The following CACNA2D2 variants were observed in gnomAD, a reference collection of about 807,000 sequenced individuals.
CACNA2D2 encodes the protein calcium voltage-gated channel auxiliary subunit alpha2delta 2, also known as voltage-dependent calcium channel subunit alpha-2/delta-2.
A neutral mutation model predicts 166.4 loss-of-function variants in CACNA2D2; 48 were observed. The ratio of observed to expected loss-of-function variants is 0.29; its 90% CI spans 0.23 to 0.37. The LOEUF is 0.37. Ranked by LOEUF, CACNA2D2 falls within the 10% of genes least tolerant of loss-of-function variation. The probability of loss-of-function intolerance (pLI) is 1.00; values close to 1 mark genes in which losing one functional copy is unlikely to be tolerated. For missense variants in CACNA2D2, 1,122 were observed against 1,433.0 expected, an observed-to-expected ratio of 0.78 and a Z score of 3.50; for synonymous variants, 561 against 573.7, an observed-to-expected ratio of 0.98 and a Z score of 0.32.
intron 2 of CACNA2D2, among the ~76,000 whole-genome samples, chr3:50,470,975 C>T (rs1362483518): frequency 3.9e-5 from 6 of 152,146 alleles, no homozygotes; most frequent in Non-Finnish European, 8.8e-5. Context: ...AGACAATTAA[C>T]TTTCCATTAA....
At chr3:50,393,587 C>A (rs1378038589) in intron 4 of CACNA2D2, among the ~76,000 whole-genome samples, 1 of 152,336 alleles carries the variant, frequency 6.6e-6, no homozygotes, top group Admixed American at 6.5e-5. Context: ...AAGGAGCGAG[C>A]CTGAGCTCCT....
At chr3:50,467,636 A>G (rs1709877760) in intron 2 of CACNA2D2, among the ~76,000 whole-genome samples, 1 of 152,144 alleles carries the variant, frequency 6.6e-6, no homozygotes, top group African/African-American at 2.4e-5. Context: ...TACTGAGGTC[A>G]GGCCCTCAAG....
Position 50,375,983 on chromosome 3 carries a change from C to G in CACNA2D2, c.1753G>C (p.Glu585Gln), listed in dbSNP as rs1704962458. ...CTTACCTCTTCCTTGTTCTCATCCT[C>G]TAGCTCCGCATCCAGGAAGTCCAGA... Reference protein sequence around the residue: ...VTLDFLDAELEDENKEEIRRS... With the variant: ...VTLDFLDAELQDENKEEIRRS... The change falls in exon 19 of 38, where the codon GAG (glutamate) becomes CAG (glutamine). Residue 585 changes from glutamate to glutamine, a missense_variant. This residue lies in a region of CACNA2D2 where 840 missense variants were observed against 1,166.8 expected (regional missense o/e 0.72). Transcript: ENST00000424201. This position sits in a 1 kb window ranked among gnomAD's most constrained non-coding sequence, Gnocchi z 4.0. The G allele has an allele frequency of 6.2e-7, 1 of 1,613,260 alleles. No homozygotes were observed. The highest frequency in any genetic ancestry group is 1.3e-5 in the African/African-American group (1 of 74,940).
At chr3:50,455,332 G>A (rs1709304379) in intron 2 of CACNA2D2, among the ~76,000 whole-genome samples, 1 of 152,200 alleles carries the variant, frequency 6.6e-6, no homozygotes, top group Admixed American at 6.5e-5. Flanking sequence ...TGGGGGCCAC[G>A]AGCTCAGAAA....
chr3:50,398,820 T>G (rs1706289979), intron 3 of CACNA2D2, among the ~76,000 whole-genome samples: 1 of 151,880 alleles, frequency 6.6e-6, no homozygotes, highest in African/African-American at 2.4e-5. Context: ...TATCAGAGAG[T>G]TTCACTTAAC....
In CACNA2D2 at chr3:50,367,965, C is replaced by T. The variant is rs1048987085; in HGVS notation, c.2144-63G>A. On this transcript the variant is annotated intron_variant, in intron 24 of 37. Coordinates refer to ENST00000424201, the MANE Select transcript of CACNA2D2 (RefSeq NM_006030.4). This position sits in a 1 kb window ranked among gnomAD's most constrained non-coding sequence, Gnocchi z 6.5. ...TCTTGCAGCTCCTTGCCCACCCTCA[C>T]CCCCACCCTTAAGGCTCCACCAGGA... The T allele has an allele frequency of 6.9e-6, 9 of 1,297,570 alleles. No homozygotes were observed. The highest frequency in any genetic ancestry group is 9.9e-6 in the Non-Finnish European group (9 of 907,744). 80.4% of individuals were successfully genotyped at this position (1,297,570 alleles called of 1,614,324 possible). A position where few individuals can be genotyped will look rare whatever the true frequency, so the allele number is the denominator to read the frequency against.
intron 1 of CACNA2D2, among the ~76,000 whole-genome samples, chr3:50,500,185 G>A (rs1303055411): frequency 1.3e-5 from 2 of 152,218 alleles, no homozygotes; most frequent in South Asian, 2.1e-4. Flanking sequence ...CTCAGGAGAG[G>A]AGCACGTACT....
chr3:50,487,907 G>T (rs1209688292), intron 1 of CACNA2D2, among the ~76,000 whole-genome samples: 1 of 152,166 alleles, frequency 6.6e-6, no homozygotes, highest in Admixed American at 6.5e-5. Flanking sequence ...GCACCTGGGA[G>T]GGATTTGGCA....
At chr3:50,439,056 G>A (rs536256318) in intron 2 of CACNA2D2, among the ~76,000 whole-genome samples, 89 of 152,216 alleles carry the variant, frequency 5.8e-4, no homozygotes, top group South Asian at 1.2e-3. Flanking sequence ...GCAAAACTGC[G>A]GTTTGAACTG....
Position 50,495,162 on chromosome 3 carries a change from T to C in CACNA2D2, c.206+8056A>G, listed in dbSNP as rs144840882. ...CCCATCTTGGGCCTCAGTTTCCGTGTCTATATGATGGTGGTATCAGGACCT... is the reference window on the plus strand; with the variant it reads ...CCCATCTTGGGCCTCAGTTTCCGTGCCTATATGATGGTGGTATCAGGACCT... On this transcript the variant is annotated intron_variant, in intron 1 of 37. Coordinates refer to ENST00000424201, the MANE Select transcript of CACNA2D2 (RefSeq NM_006030.4). Among the ~76,000 whole-genome samples, 396 of 152,322 alleles carry C rather than the reference T, an allele frequency of 2.6e-3. 4 individuals are homozygous for C. Among genetic ancestry groups the C allele is most frequent in the African/African-American group, 8.7e-3 (360 of 41,570 alleles).
chr3:50,412,558 G>A (rs776155924), intron 3 of CACNA2D2, among the ~76,000 whole-genome samples: 11 of 152,060 alleles, frequency 7.2e-5, no homozygotes, highest in Middle Eastern at 3.4e-3. Flanking sequence ...AGCCCTAGGC[G>A]GCCAGCAGGC....
chr3:50,484,304 C>T (rs1472490314), intron 1 of CACNA2D2, among the ~76,000 whole-genome samples: 2 of 152,190 alleles, frequency 1.3e-5, no homozygotes, highest in Non-Finnish European at 2.9e-5. Flanking sequence ...TGCACCTCTG[C>T]AGCTGCCAGC....
At chr3:50,483,619 G>A (rs558921232) in intron 1 of CACNA2D2, among the ~76,000 whole-genome samples, 22 of 152,298 alleles carry the variant, frequency 1.4e-4, no homozygotes, top group African/African-American at 4.8e-4. Flanking sequence ...GTTGGGGGGA[G>A]TGGAGGGAAG....
intron 24 of CACNA2D2, 67 bp downstream of exon 24, chr3:50,368,071 G>A (rs1704447180): frequency 7.6e-7 from 1 of 1,307,728 alleles, no homozygotes; most frequent in African/African-American, 1.5e-5. Flanking sequence ...CGGCCTCTGG[G>A]TTCCTCTGGG....
chr3:50,384,154 C>G, intron 6 of CACNA2D2, 42 bp downstream of exon 6: 2 of 1,606,210 alleles, frequency 1.2e-6, no homozygotes, highest in Non-Finnish European at 1.7e-6. Context: ...CCTGCCCCCA[C>G]AGCAGGTGGG....
chr3:50,459,024 C>T (rs903944793), intron 2 of CACNA2D2, among the ~76,000 whole-genome samples: 1 of 152,262 alleles, frequency 6.6e-6, no homozygotes, highest in Non-Finnish European at 1.5e-5. Flanking sequence ...AGGGCCAGAG[C>T]TCACCTGTGA....
intron 3 of CACNA2D2, among the ~76,000 whole-genome samples, chr3:50,414,112 A>C (rs761284707): frequency 5.9e-5 from 9 of 152,122 alleles, no homozygotes; most frequent in Non-Finnish European, 1.5e-5. Flanking sequence ...CATACCTCTG[A>C]GGCCCATGCA....
intron 3 of CACNA2D2, among the ~76,000 whole-genome samples, chr3:50,399,452 C>A (rs915877310): frequency 6.6e-6 from 1 of 152,128 alleles, no homozygotes; most frequent in Non-Finnish European, 1.5e-5. Context: ...CTGAGCCAGG[C>A]AGAAGCTGTG....
chr3:50,377,381 G>A lies in CACNA2D2; in HGVS notation c.1626+86C>T, dbSNP rs138947939. ...TGAACTCAGAGGTCTCCATGGAGGC[G>A]CTGTAATACCCATCAGTCTTCTCTG... is the stretch of plus-strand genomic sequence containing the variant. On this transcript the variant is annotated intron_variant, in intron 17 of 37. Coordinates refer to ENST00000424201, the MANE Select transcript of CACNA2D2 (RefSeq NM_006030.4). 6.5e-5 allele frequency: 71 copies of A among 1,090,154 alleles called. No homozygotes were observed. In the African/African-American group the frequency reaches 8.1e-4, roughly 12 times the overall value. The allele number at this position is 1,090,154 out of a possible 1,614,324, so 67.5% of individuals were successfully genotyped here.
Sources: allele counts gnomAD v4.1 joint callset (sites outside exome capture counted in the v4.1 genomes callset), GRCh38; gene constraint gnomAD v4.1.1; regional missense constraint gnomAD v4.1.1; non-coding constraint Gnocchi (gnomAD v3.1); transcripts MANE v1.5; gene names NCBI Gene and HGNC (gene_info 2026-07-23, HGNC 2026-07-21).